Variants in RWDD1 observed in about 807,000 individuals in gnomAD.
RWDD1 encodes the protein RWD domain-containing protein 1.
A neutral mutation model predicts 31.6 loss-of-function variants in RWDD1; 17 were observed. The observed-to-expected ratio is 0.54, with a 90% confidence interval of 0.37 to 0.81. RWDD1 has a LOEUF of 0.81. RWDD1 is among the 30% of genes least tolerant of loss of function. The probability of loss-of-function intolerance (pLI) is 0.00; values close to 1 mark genes in which losing one functional copy is unlikely to be tolerated. For missense variants in RWDD1, 204 were observed against 274.5 expected, an observed-to-expected ratio of 0.74 and a Z score of 1.82; for synonymous variants, 78 against 94.2, an observed-to-expected ratio of 0.83 and a Z score of 0.99.
chr6:116,576,937 G>C (rs926139751), intron 1 of RWDD1, among the ~76,000 whole-genome samples: 1 of 152,294 alleles, frequency 6.6e-6, no homozygotes, highest in South Asian at 2.1e-4. Flanking sequence ...CCTTGTCAGG[G>C]ACTTAGATGT....
In RWDD1 at chr6:116,571,630, G is replaced by C; in HGVS notation, c.48G>C (p.Glu16Asp). Reference protein sequence around the residue: ...EEQRNELEALESIYPDSFTVL... With the variant: ...EEQRNELEALDSIYPDSFTVL... ...AGCGCAACGAGCTGGAGGCCCTGGA[G>C]TCCATCTACCCTGACTCCTTCACAG... The change falls in exon 1 of 7, where the codon GAG becomes GAC. Residue 16 changes from glutamate (E) to aspartate (D), a missense_variant. Transcript: ENST00000466444. 6.2e-7 allele frequency: 1 copy of C among 1,613,678 alleles called. No individual in the cohort carries two copies. Among genetic ancestry groups the C allele is most frequent in the South Asian group, 1.1e-5 (1 of 91,058 alleles).
At chr6:116,589,092 A>C in intron 4 of RWDD1, 107 bp downstream of exon 4, 1 of 966,000 alleles carries the variant, frequency 1.0e-6, no homozygotes. Flanking sequence ...GAAATCACAA[A>C]AATAAATAAA....
Position 116,593,031 on chromosome 6 carries a change from T to G in RWDD1, c.662T>G (p.Leu221Trp). 2 of 1,613,884 alleles carry G rather than the reference T, an allele frequency of 1.2e-6. No individual in the cohort carries two copies. The highest frequency in any genetic ancestry group is 1.7e-6 in the Non-Finnish European group (2 of 1,179,930). The change falls in exon 7 of 7, where the codon TTG becomes TGG. Residue 221 changes from leucine (L) to tryptophan (W), a missense_variant. Coordinates refer to ENST00000466444, the MANE Select transcript of RWDD1 (RefSeq NM_015952.4). ...TCTTTGTTCCAAGAAATGGATGACT[T>G]GGAGCTGGAGGATGATGAAGATGAT... is the stretch of plus-strand genomic sequence containing the variant. ...DESLFQEMDD[L>W]ELEDDEDDPD...
chr6:116,583,596 A>G lies in RWDD1; in HGVS notation c.140-1131A>G, dbSNP rs76012994. Among the ~76,000 whole-genome samples the G allele has an allele frequency of 7.0e-4, 107 of 152,300 alleles. 2 individuals carry two copies. The East Asian group carries it at 0.015, about 22-fold the overall frequency. Reference sequence around the variant, plus strand: ...TGATGTTAATTAGCTTGGTTCTGATAATCATTTCACAATATATATGTATAT... The same window carrying G: ...TGATGTTAATTAGCTTGGTTCTGATGATCATTTCACAATATATATGTATAT... On this transcript the variant is annotated intron_variant, in intron 2 of 6. Coordinates refer to ENST00000466444, the MANE Select transcript of RWDD1 (RefSeq NM_015952.4).
At position 116,595,495 on chromosome 6, in the gene RWDD1, G is replaced by A. The variant is rs1339057106; in HGVS notation, c.*2394G>A. On this transcript the variant is annotated 3_prime_UTR_variant, in exon 7 of 7. Transcript: ENST00000466444. ...CTCTCAGGTTGCAATAGCATGACGA[G>A]TGGTATTTGAAGCAATAATTGTTCC... is the stretch of plus-strand genomic sequence containing the variant. 1 of 152,196 alleles carries A rather than the reference G, an allele frequency of 6.6e-6. No homozygotes were observed. The highest frequency in any genetic ancestry group is 1.9e-4 in the East Asian group (1 of 5,196). The allele number at this position is 152,196 out of a possible 1,614,324, so 9.4% of individuals were successfully genotyped here. A position where few individuals can be genotyped will look rare whatever the true frequency, so the allele number is the denominator to read the frequency against.
At chr6:116,586,350 T>C (rs1775039452) in intron 3 of RWDD1, among the ~76,000 whole-genome samples, 1 of 152,102 alleles carries the variant, frequency 6.6e-6, no homozygotes, top group South Asian at 2.1e-4. Context: ...TGAGACTTTT[T>C]TTCCTTATGG....
chr6:116,581,236 T>C lies in RWDD1; in HGVS notation c.139+876T>C, dbSNP rs147009711. On this transcript the variant is annotated intron_variant, in intron 2 of 6. Transcript: ENST00000466444. ...TTCTGTAATGCTTTAAAGCATGAAA[T>C]AAATACTATACTGACTGTTCTTCAA... Among the ~76,000 whole-genome samples the C allele has an allele frequency of 1.7e-3, 261 of 152,208 alleles. 1 individual carries two copies. Among genetic ancestry groups the C allele is most frequent in the Non-Finnish European group, 2.5e-3 (170 of 67,918 alleles).
chr6:116,584,917 T>C (rs980011671), intron 3 of RWDD1, 60 bp downstream of exon 3: 1 of 1,330,398 alleles, frequency 7.5e-7, no homozygotes, highest in South Asian at 1.2e-5. Flanking sequence ...ATATTACATA[T>C]TAATTTCAAG....
intron 2 of RWDD1, among the ~76,000 whole-genome samples, chr6:116,582,982 T>C (rs1774974323): frequency 6.6e-6 from 1 of 151,190 alleles, no homozygotes; most frequent in Non-Finnish European, 1.5e-5. Context: ...TTTAAAATTT[T>C]AAATATTTTT....
At position 116,596,858 on chromosome 6, in the gene RWDD1, T is replaced by C. The variant is rs1180343189; in HGVS notation, c.*3757T>C. 1.3e-5 allele frequency: 2 copies of C among 151,816 alleles called. No homozygotes were observed. Among genetic ancestry groups the C allele is most frequent in the African/African-American group, 4.8e-5 (2 of 41,316 alleles). The allele number at this position is 151,816 out of a possible 1,614,324, so 9.4% of individuals were successfully genotyped here. ...TTAATTTTTTTTTTCCTCCCCTCCA[T>C]GAAGGGAAGAAAAAAAAATTAATTC... On this transcript the variant is annotated 3_prime_UTR_variant, in exon 7 of 7. Transcript: ENST00000466444.
chr6:116,590,754 A>G, intron 5 of RWDD1, 134 bp from the exon 6 acceptor site: 1 of 1,352,310 alleles, frequency 7.4e-7, no homozygotes, highest in East Asian at 2.8e-5. Context: ...TATGCCACTT[A>G]GCTACTGAAT....
chr6:116,580,353 T>A lies in RWDD1; in HGVS notation c.132T>A (p.Asn44Lys). 6.3e-7 allele frequency: 1 copy of A among 1,598,048 alleles called. No individual in the cohort carries two copies. Among genetic ancestry groups the A allele is most frequent in the Non-Finnish European group, 8.5e-7 (1 of 1,169,994 alleles). Reference sequence around the variant, plus strand: ...CTGTGACGTCTGAGGCTGGAGAAAATGATGAAAGTAAGTCTTATAAAAAAT... The same window carrying A: ...CTGTGACGTCTGAGGCTGGAGAAAAAGATGAAAGTAAGTCTTATAAAAAAT... ...TITVTSEAGE[N>K]DETVQTTLKF... The change falls in exon 2 of 7, where the codon AAT becomes AAA. Residue 44 changes from asparagine to lysine, a missense_variant. Transcript: ENST00000466444.
rs1775132813 is a variant in RWDD1, at chr6:116,590,921, A to G, written c.581A>G (p.Asp194Gly). ...KQLFETDHNL[D>G]TSDIQFLEDA... ...CTATTTGAAACAGATCATAATCTTG[A>G]CACATCTGATATCCAGTTCTTGGAG... The change falls in exon 6 of 7, where the codon GAC becomes GGC. Residue 194 changes from aspartate to glycine, a missense_variant. Physicochemically the swap from Asp to Gly is moderately conservative, Grantham distance 94. Transcript: ENST00000466444. The G allele has an allele frequency of 1.3e-6, 2 of 1,573,468 alleles. No individual in the cohort carries two copies. Among genetic ancestry groups the G allele is most frequent in the Non-Finnish European group, 8.6e-7 (1 of 1,167,222 alleles).
intron 2 of RWDD1, among the ~76,000 whole-genome samples, chr6:116,583,058 G>A (rs572383216): frequency 1.3e-5 from 2 of 151,018 alleles, no homozygotes; most frequent in South Asian, 4.2e-4. Flanking sequence ...GCTCACTGCA[G>A]CCTCCAACTC....
At chr6:116,586,449 G>A (rs1406310461) in intron 3 of RWDD1, among the ~76,000 whole-genome samples, 1 of 151,740 alleles carries the variant, frequency 6.6e-6, no homozygotes, top group African/African-American at 2.4e-5. Context: ...ATATATGTGA[G>A]CATCTTTTCA....
chr6:116,593,118 G>A lies in RWDD1; in HGVS notation c.*17G>A. Reference sequence around the variant, plus strand: ...GCTGACTAATGGACTGTCCCCATCTGCAGAGAGGCTTGACTGCCACAGCAT... The same window carrying A: ...GCTGACTAATGGACTGTCCCCATCTACAGAGAGGCTTGACTGCCACAGCAT... On this transcript the variant is annotated 3_prime_UTR_variant, in exon 7 of 7. Transcript: ENST00000466444. The A allele has an allele frequency of 6.2e-7, 1 of 1,601,684 alleles. No individual in the cohort carries two copies. The highest frequency in any genetic ancestry group is 8.5e-7 in the Non-Finnish European group (1 of 1,175,244).
At chr6:116,575,447 C>T (rs1404354837) in intron 1 of RWDD1, among the ~76,000 whole-genome samples, 2 of 152,164 alleles carry the variant, frequency 1.3e-5, no homozygotes, top group Non-Finnish European at 2.9e-5. Context: ...GAAGACTAAT[C>T]TTTCTTCTAC....
At chr6:116,584,367 T>C (rs1775002630) in intron 2 of RWDD1, among the ~76,000 whole-genome samples, 1 of 148,310 alleles carries the variant, frequency 6.7e-6, no homozygotes. Context: ...TGGTAGAGGC[T>C]GAAAATGAGC....
intron 1 of RWDD1, among the ~76,000 whole-genome samples, chr6:116,575,000 C>T (rs1774812871): frequency 6.6e-6 from 1 of 151,934 alleles, no homozygotes; most frequent in East Asian, 1.9e-4. Context: ...AAACTCTTGG[C>T]CTCAAGCGAG....
Sources: allele counts gnomAD v4.1 joint callset (sites outside exome capture counted in the v4.1 genomes callset), GRCh38; gene constraint gnomAD v4.1.1; transcripts MANE v1.5; gene names NCBI Gene and HGNC (gene_info 2026-07-23, HGNC 2026-07-21).